DLC1: variants seen among roughly 807,000 people sequenced by gnomAD.
The protein encoded by DLC1 is DLC1 Rho GTPase activating protein, also known as rho GTPase-activating protein 7.
DLC1 carries 54 observed loss-of-function variants against 140.3 expected under a neutral mutation model. The observed-to-expected ratio is 0.38, with a 90% CI of 0.31 to 0.48. The LOEUF is 0.48. DLC1 is among the 20% of genes least tolerant of loss of function. DLC1 has a pLI of 0.96. For synonymous variants in DLC1, 986 were observed against 728.1 expected (o/e 1.35, Z -5.70); for missense variants, 2,536 against 1,907.0 (o/e 1.33, Z -6.14).
chr8:13,423,670 G>A (rs1417852927), intron 2 of DLC1, among the ~76,000 whole-genome samples: 1 of 152,110 alleles, frequency 6.6e-6, no homozygotes, highest in Non-Finnish European at 1.5e-5. Context: ...GTGTGCCATT[G>A]CTGAATTTGA....
chr8:13,581,058 A>G (rs185701311), intron 1 of DLC1, among the ~76,000 whole-genome samples: 80 of 152,302 alleles, frequency 5.3e-4, no homozygotes, highest in Admixed American at 2.1e-3. Flanking sequence ...GTCAGTAGTC[A>G]AACATCAAAA....
At chr8:13,470,384 C>T (rs1800150529) in intron 2 of DLC1, among the ~76,000 whole-genome samples, 2 of 151,498 alleles carry the variant, frequency 1.3e-5, no homozygotes, top group East Asian at 1.9e-4. Context: ...AAATAAAAAA[C>T]AACCAAACAA....
chr8:13,593,714 G>T (rs1291945626), intron 1 of DLC1, among the ~76,000 whole-genome samples: 2 of 152,050 alleles, frequency 1.3e-5, no homozygotes, highest in Admixed American at 6.6e-5. Flanking sequence ...AACCTTATTT[G>T]AAAACTTATT....
intron 2 of DLC1, among the ~76,000 whole-genome samples, chr8:13,437,969 G>T (rs571812075): frequency 1.3e-5 from 2 of 150,660 alleles, no homozygotes; most frequent in South Asian, 2.1e-4. Context: ...AGGTTATAAG[G>T]GTCCCCAGGA....
chr8:13,423,305 T>G (rs1838401946), intron 2 of DLC1, among the ~76,000 whole-genome samples: 1 of 152,334 alleles, frequency 6.6e-6, no homozygotes, highest in South Asian at 2.1e-4. Flanking sequence ...GCTCTTCCTG[T>G]GATCCCTACT....
intron 5 of DLC1, chr8:13,214,782 G>A (rs763321512): frequency 2.6e-6 from 2 of 780,256 alleles, no homozygotes; most frequent in African/African-American, 1.7e-5. Flanking sequence ...CCGCTGCTGG[G>A]TTCCAGGGGA....
intron 2 of DLC1, among the ~76,000 whole-genome samples, chr8:13,447,804 T>C (rs1798850402): frequency 6.6e-6 from 1 of 152,206 alleles, no homozygotes; most frequent in African/African-American, 2.4e-5. Flanking sequence ...GTGTTTTTTT[T>C]CCTACCAGAT....
chr8:13,238,757 G>T (rs1019746235), intron 5 of DLC1, among the ~76,000 whole-genome samples: 4 of 152,114 alleles, frequency 2.6e-5, no homozygotes, highest in Admixed American at 1.3e-4. Context: ...TACACAGTAA[G>T]CAACTGGAAT....
At chr8:13,541,597 T>G (rs1311176076) in intron 1 of DLC1, among the ~76,000 whole-genome samples, 1 of 152,202 alleles carries the variant, frequency 6.6e-6, no homozygotes, top group Non-Finnish European at 1.5e-5. Flanking sequence ...TCGCCAAGGC[T>G]GGTGTGCAGT....
intron 5 of DLC1, among the ~76,000 whole-genome samples, chr8:13,202,177 C>G (rs1047716540): frequency 2.6e-5 from 4 of 152,116 alleles, no homozygotes; most frequent in Non-Finnish European, 5.9e-5. Context: ...ATCTCTTGAC[C>G]TCGTGATCCA....
intron 2 of DLC1, among the ~76,000 whole-genome samples, chr8:13,448,400 G>A (rs1175600092): frequency 2.0e-5 from 3 of 146,770 alleles, no homozygotes; most frequent in Non-Finnish European, 4.5e-5. Context: ...GTCTCGCTCT[G>A]TCACCCAGGC....
At chr8:13,258,904 G>T (rs1014589849) in intron 5 of DLC1, among the ~76,000 whole-genome samples, 1 of 152,150 alleles carries the variant, frequency 6.6e-6, no homozygotes, top group South Asian at 2.1e-4. Flanking sequence ...TTGGGAGGCC[G>T]AGGCGGGTGG....
chr8:13,471,772 C>A (rs140674697), intron 2 of DLC1, among the ~76,000 whole-genome samples: 11 of 152,286 alleles, frequency 7.2e-5, no homozygotes, highest in Admixed American at 6.5e-4. Context: ...AAAAGAAAAG[C>A]AGCCTTTCAG....
chr8:13,579,809 T>A lies in DLC1; in HGVS notation c.-126+24728A>T, dbSNP rs193132942. 3.3e-5 allele frequency among the ~76,000 whole-genome samples: 5 copies of A among 151,906 alleles called. No individual in the cohort carries two copies. The East Asian group carries it at 9.7e-4, about 29-fold the overall frequency. ...CCCACTGCTTTTAGAAGTGTGGCCC[T>A]CTGCATAGCACATTGTGAGTGCTCC... On this transcript the variant is annotated intron_variant, in intron 1 of 1. Coordinates refer to the DLC1 transcript ENST00000631382.
At chr8:13,581,018 G>C (rs1310415869) in intron 1 of DLC1, among the ~76,000 whole-genome samples, 1 of 152,196 alleles carries the variant, frequency 6.6e-6, no homozygotes, top group East Asian at 1.9e-4. Flanking sequence ...TGTAGGGCAG[G>C]AGAAGAGAAA....
intron 2 of DLC1, among the ~76,000 whole-genome samples, chr8:13,467,986 A>G (rs1269740317): frequency 6.6e-6 from 1 of 152,104 alleles, no homozygotes; most frequent in African/African-American, 2.4e-5. Flanking sequence ...TGTTTTTTGC[A>G]CCTATGTTTA....
At chr8:13,289,142 G>A (rs1037962015) in intron 5 of DLC1, among the ~76,000 whole-genome samples, 1 of 152,042 alleles carries the variant, frequency 6.6e-6, no homozygotes, top group African/African-American at 2.4e-5. Context: ...ACTCCACAGT[G>A]CTCTATAATT....
At chr8:13,364,818 T>A (rs990555167) in intron 4 of DLC1, among the ~76,000 whole-genome samples, 2 of 152,204 alleles carry the variant, frequency 1.3e-5, no homozygotes, top group Admixed American at 6.5e-5. Flanking sequence ...TTAAGGAAAG[T>A]CGTCTCATAT....
intron 2 of DLC1, among the ~76,000 whole-genome samples, chr8:13,476,091 G>C (rs1449151966): frequency 6.6e-6 from 1 of 152,160 alleles, no homozygotes; most frequent in Non-Finnish European, 1.5e-5. Context: ...ATTGTGATGA[G>C]GAAAATACAT....
Sources: allele counts gnomAD v4.1 joint callset (sites outside exome capture counted in the v4.1 genomes callset), GRCh38; gene constraint gnomAD v4.1.1; transcripts MANE v1.5; gene names NCBI Gene and HGNC (gene_info 2026-07-23, HGNC 2026-07-21).